The following CABLES1 variants were observed in gnomAD, a reference collection of about 807,000 sequenced individuals.
The protein encoded by CABLES1 is Cdk5 and Abl enzyme substrate 1, also known as CDK5 and ABL1 enzyme substrate 1.
In CABLES1, 36 loss-of-function variants were observed where a neutral mutation model predicts 57.8. The ratio of observed to expected loss-of-function variants is 0.62; its 90% CI spans 0.48 to 0.82. CABLES1 has a LOEUF of 0.82. Among genes scored for constraint, CABLES1 ranks in the 40% least tolerant of loss-of-function variants. The pLI is 0.00. For synonymous variants in CABLES1, 374 were observed against 363.0 expected (o/e 1.03, Z -0.35); for missense variants, 767 against 836.6 (o/e 0.92, Z 1.03).
intron 7 of CABLES1, among the ~76,000 whole-genome samples, chr18:23,244,383 T>A (rs1382317600): frequency 1.3e-5 from 2 of 152,236 alleles, no homozygotes; most frequent in African/African-American, 4.8e-5. Context: ...GAGGGAGAGT[T>A]GATCCAGGAT....
chr18:23,188,260 A>G (rs1598819022), intron 1 of CABLES1, among the ~76,000 whole-genome samples: 1 of 152,182 alleles, frequency 6.6e-6, no homozygotes, highest in African/African-American at 2.4e-5. Flanking sequence ...TAATCATGCC[A>G]TATATTTATT....
intron 3 of CABLES1, among the ~76,000 whole-genome samples, chr18:23,202,914 G>C (rs1455233039): frequency 2.0e-5 from 3 of 151,518 alleles, no homozygotes; most frequent in Non-Finnish European, 2.9e-5. Flanking sequence ...GTGAACCCGG[G>C]AGGCGGAGCT....
Position 23,237,255 on chromosome 18 carries a change from G to T in CABLES1, c.1446+10G>T, listed in dbSNP as rs766297106. On this transcript the variant is annotated intron_variant, in intron 7 of 9. Transcript: ENST00000256925. ...CTTCCCTTCCTACATGGTGAGTAGC[G>T]TGGAATGGAGGCTCCGTTTGCTGCA... 4.5e-6 allele frequency: 7 copies of T among 1,565,138 alleles called. No homozygotes were observed. In the South Asian group the frequency reaches 6.7e-5, roughly 15 times the overall value.
chr18:23,149,102 C>T (rs1236094623), intron 1 of CABLES1, among the ~76,000 whole-genome samples: 2 of 151,888 alleles, frequency 1.3e-5, no homozygotes, highest in African/African-American at 4.8e-5. Flanking sequence ...CCATGTTGTC[C>T]AGGCTGGTCC....
chr18:23,180,730 T>C (rs1233829682), intron 1 of CABLES1, among the ~76,000 whole-genome samples: 2 of 152,194 alleles, frequency 1.3e-5, no homozygotes. Context: ...CTTTAAGTAG[T>C]AGGCTTCCAT....
intron 1 of CABLES1, among the ~76,000 whole-genome samples, chr18:23,163,335 G>A (rs1298726436): frequency 2.0e-5 from 3 of 152,154 alleles, no homozygotes; most frequent in African/African-American, 7.2e-5. Flanking sequence ...GGAAAAACAG[G>A]TTTAGGCATC....
At chr18:23,166,389 G>A (rs1332175309) in intron 1 of CABLES1, among the ~76,000 whole-genome samples, 1 of 152,056 alleles carries the variant, frequency 6.6e-6, no homozygotes. Context: ...TTTAGTGTGA[G>A]ACTGGGTTTC....
At chr18:23,201,045 G>C (rs1342286000) in intron 3 of CABLES1, among the ~76,000 whole-genome samples, 2 of 152,224 alleles carry the variant, frequency 1.3e-5, no homozygotes, top group Non-Finnish European at 2.9e-5. Flanking sequence ...TAAAAGCAGG[G>C]AGAGCAGAAG....
At chr18:23,256,589 T>C (rs2048172780) in intron 9 of CABLES1, among the ~76,000 whole-genome samples, 1 of 152,128 alleles carries the variant, frequency 6.6e-6, no homozygotes, top group Non-Finnish European at 1.5e-5. Context: ...CAAGTGAGTC[T>C]CCTGCTTCAA....
chr18:23,194,659 A>AG (rs1483016411), intron 3 of CABLES1, 119 bp downstream of exon 3: 1 of 669,788 alleles, frequency 1.5e-6, no homozygotes, highest in African/African-American at 1.8e-5. Flanking sequence ...TAAGATGAGC[A>AG]GGATCTCATG....
intron 7 of CABLES1, among the ~76,000 whole-genome samples, chr18:23,245,827 A>T (rs555074137): frequency 1.3e-5 from 2 of 152,244 alleles, no homozygotes; most frequent in African/African-American, 4.8e-5. Flanking sequence ...CTCTCGCTCC[A>T]TGAGCGGAAT....
At chr18:23,176,489 T>C (rs573246556) in intron 1 of CABLES1, among the ~76,000 whole-genome samples, 6 of 152,292 alleles carry the variant, frequency 3.9e-5, no homozygotes, top group Admixed American at 1.3e-4. Flanking sequence ...GGCCTGGGGC[T>C]TGGGGACCCC....
chr18:23,157,647 C>A (rs1372476361), intron 1 of CABLES1, among the ~76,000 whole-genome samples: 3 of 146,486 alleles, frequency 2.0e-5, no homozygotes, highest in African/African-American at 7.6e-5. Context: ...TATTTTAATA[C>A]CATTTAAAAA....
intron 4 of CABLES1, among the ~76,000 whole-genome samples, chr18:23,225,994 T>C (rs1047753786): frequency 6.6e-6 from 1 of 152,212 alleles, no homozygotes; most frequent in Non-Finnish European, 1.5e-5. Flanking sequence ...GATTTACATG[T>C]AGAGAGAGGG....
intron 3 of CABLES1, among the ~76,000 whole-genome samples, chr18:23,206,279 C>T (rs1422653197): frequency 6.6e-6 from 1 of 152,248 alleles, no homozygotes; most frequent in Non-Finnish European, 1.5e-5. Context: ...CCCCGACTTC[C>T]CCACAGGGCT....
At chr18:23,253,598 G>A (rs1057220205) in intron 8 of CABLES1, 131 bp from the exon 9 acceptor site, 5 of 745,518 alleles carry the variant, frequency 6.7e-6, no homozygotes, top group Non-Finnish European at 1.1e-5. Context: ...ACACTCCCAG[G>A]GACTTAATCC....
chr18:23,238,562 C>T (rs185495078), intron 7 of CABLES1, among the ~76,000 whole-genome samples: 1 of 152,246 alleles, frequency 6.6e-6, no homozygotes, highest in Admixed American at 6.5e-5. Flanking sequence ...TTTAAAAAAC[C>T]AGGGCATATT....
chr18:23,184,308 CGTGTGTGTGT>C lies in CABLES1; in HGVS notation c.846-4505_846-4496del, dbSNP rs61158856. On this transcript the variant is annotated intron_variant, in intron 1 of 9. Transcript: ENST00000256925. ...TAATGTGTGCCCTTGCATACTGGCACGTGTGTGTGTGTGTGTGTGTGTGTGTGTGTGTGTA... is the reference window on the plus strand; with the variant it reads ...TAATGTGTGCCCTTGCATACTGGCACGTGTGTGTGTGTGTGTGTGTGTGTA... 6.4e-3 allele frequency among the ~76,000 whole-genome samples: 937 copies of C among 146,416 alleles called. 9 individuals carry two copies. The highest frequency in any genetic ancestry group is 8.6e-3 in the Admixed American group (126 of 14,722).
chr18:23,140,267 C>T (rs1243776036), intron 1 of CABLES1, among the ~76,000 whole-genome samples: 2 of 152,226 alleles, frequency 1.3e-5, no homozygotes, highest in African/African-American at 4.8e-5. Context: ...ACTTCAAAAA[C>T]TTCCTTGCAA....
Sources: gnomAD v4.1 joint callset for allele counts (sites outside exome capture counted in the v4.1 genomes callset) on GRCh38, gnomAD v4.1.1 for gene constraint, MANE v1.5 for transcripts, NCBI Gene and HGNC (gene_info 2026-07-23, HGNC 2026-07-21) for gene names.